Variants in PCDHAC1 observed in about 807,000 individuals in gnomAD.
The protein encoded by PCDHAC1 is protocadherin alpha-C1.
A neutral mutation model predicts 60.0 loss-of-function variants in PCDHAC1; 42 were observed. The ratio of observed to expected loss-of-function variants is 0.70; its 90% confidence interval spans 0.55 to 0.90. The LOEUF is 0.90. PCDHAC1 is among the 40% of genes least tolerant of loss of function. The pLI, the probability that PCDHAC1 is intolerant of heterozygous loss-of-function variation, is 0.00. For synonymous variants in PCDHAC1, 468 were observed against 499.3 expected (o/e 0.94, Z 0.84); for missense variants, 1,160 against 1,222.3 (o/e 0.95, Z 0.76).
chr5:140,941,218 T>TCTTTCTTC, intron 1 of PCDHAC1, among the ~76,000 whole-genome samples: 1 of 125,730 alleles, frequency 8.0e-6, no homozygotes, highest in African/African-American at 3.3e-5. Context: ...TTTCTTCCTT[T>TCTTTCTTC]CTTTCTTTCT....
chr5:140,983,221 A>G (rs1178098444), intron 3 of PCDHAC1, among the ~76,000 whole-genome samples: 1 of 152,196 alleles, frequency 6.6e-6, no homozygotes, highest in Non-Finnish European at 1.5e-5. Context: ...TCCTAATCCA[A>G]ACTTTCAGGA....
intron 1 of PCDHAC1, among the ~76,000 whole-genome samples, chr5:140,950,849 T>G (rs1403920591): frequency 6.6e-6 from 1 of 152,120 alleles, no homozygotes; most frequent in Non-Finnish European, 1.5e-5. Flanking sequence ...ATACATTTCT[T>G]TCATATTCTT....
chr5:140,967,287 A>G (rs1458692984), intron 1 of PCDHAC1: 1 of 1,612,826 alleles, frequency 6.2e-7, no homozygotes, highest in Non-Finnish European at 8.5e-7. Flanking sequence ...AGTGCGCAGG[A>G]CCCCGACGTG....
At chr5:140,968,455 G>C in intron 1 of PCDHAC1, 2 of 1,614,084 alleles carry the variant, frequency 1.2e-6, no homozygotes, top group Non-Finnish European at 1.7e-6. Context: ...GCAGCACTGT[G>C]ACTGCCAACG....
intron 3 of PCDHAC1, among the ~76,000 whole-genome samples, chr5:140,992,490 G>A (rs2097515419): frequency 6.6e-6 from 1 of 152,196 alleles, no homozygotes; most frequent in Non-Finnish European, 1.5e-5. Flanking sequence ...AGGCCAATCT[G>A]TAAGGATTCA....
intron 1 of PCDHAC1, among the ~76,000 whole-genome samples, chr5:140,943,885 T>C (rs762067236): frequency 6.6e-5 from 10 of 152,242 alleles, no homozygotes; most frequent in Non-Finnish European, 1.2e-4. Flanking sequence ...TTCATTGGAC[T>C]GGTCATTATG....
At chr5:140,975,594 A>G (rs914837592) in intron 1 of PCDHAC1, among the ~76,000 whole-genome samples, 3 of 152,236 alleles carry the variant, frequency 2.0e-5, no homozygotes, top group Admixed American at 2.0e-4. Flanking sequence ...CCAGAGGGCA[A>G]TTTGTTGATG....
chr5:140,940,195 T>C (rs2092570084), intron 1 of PCDHAC1, among the ~76,000 whole-genome samples: 1 of 152,220 alleles, frequency 6.6e-6, no homozygotes, highest in African/African-American at 2.4e-5. Flanking sequence ...TTTACATGGG[T>C]GTAAAATTCA....
In PCDHAC1 at chr5:141,011,807, A is replaced by G. The variant is rs940017317; in HGVS notation, c.*1870A>G. ...CTAATGGTATCTGAAATATCAGCTC[A>G]TAGAAAGTAACAAAATTTGCTGTCA... On this transcript the variant is annotated 3_prime_UTR_variant, in exon 4 of 4. Coordinates refer to ENST00000253807, the MANE Select transcript of PCDHAC1 (RefSeq NM_018898.5). The G allele has an allele frequency of 1.3e-5, 2 of 153,798 alleles. No individual in the cohort carries two copies. Among genetic ancestry groups the G allele is most frequent in the African/African-American group, 4.8e-5 (2 of 41,468 alleles). The allele number at this position is 153,798 out of a possible 1,614,324, so 9.5% of individuals were successfully genotyped here.
intron 1 of PCDHAC1, among the ~76,000 whole-genome samples, chr5:140,947,763 A>C (rs1392881813): frequency 1.3e-5 from 2 of 151,658 alleles, no homozygotes; most frequent in Non-Finnish European, 3.0e-5. Context: ...TGGTTTAAAA[A>C]ATTCTATTGT....
chr5:140,948,189 G>A (rs1032631604), intron 1 of PCDHAC1, among the ~76,000 whole-genome samples: 4 of 151,532 alleles, frequency 2.6e-5, no homozygotes, highest in African/African-American at 9.7e-5. Context: ...ATCCCACTTA[G>A]TCATGATATA....
chr5:141,009,298 T>C (rs1196659486), intron 3 of PCDHAC1, among the ~76,000 whole-genome samples: 1 of 152,130 alleles, frequency 6.6e-6, no homozygotes, highest in Non-Finnish European at 1.5e-5. Context: ...CTATAAAATT[T>C]TTTTTAAAAA....
At chr5:140,966,654 T>C in intron 1 of PCDHAC1, 1 of 1,185,100 alleles carries the variant, frequency 8.4e-7, no homozygotes, top group Non-Finnish European at 1.1e-6. Flanking sequence ...GCGTGAGCGG[T>C]GGGGGAGCAG....
chr5:140,942,540 G>T (rs1013086382), intron 1 of PCDHAC1, among the ~76,000 whole-genome samples: 52 of 152,164 alleles, frequency 3.4e-4, no homozygotes, highest in African/African-American at 1.1e-3. Flanking sequence ...TCAGTATGGT[G>T]GGGGGTAGGG....
At chr5:140,979,129 A>T (rs1316213932) in intron 2 of PCDHAC1, 122 bp downstream of exon 2, 1 of 1,477,514 alleles carries the variant, frequency 6.8e-7, no homozygotes, top group Non-Finnish European at 9.0e-7. Flanking sequence ...CTTTGCCAGG[A>T]AAATGCAATT....
chr5:140,934,612 T>G (rs2089946859), intron 1 of PCDHAC1, among the ~76,000 whole-genome samples: 1 of 152,184 alleles, frequency 6.6e-6, no homozygotes, highest in South Asian at 2.1e-4. Flanking sequence ...TTGATTAGCC[T>G]GAGGTACAGT....
At chr5:140,937,748 T>C (rs192465220) in intron 1 of PCDHAC1, among the ~76,000 whole-genome samples, 1 of 151,812 alleles carries the variant, frequency 6.6e-6, no homozygotes, top group Admixed American at 6.6e-5. Context: ...CCGTCTCTAC[T>C]AAAAATACAA....
chr5:140,940,029 C>T (rs1411990785), intron 1 of PCDHAC1, among the ~76,000 whole-genome samples: 4 of 152,136 alleles, frequency 2.6e-5, no homozygotes, highest in East Asian at 1.9e-4. Flanking sequence ...TGTTTTAAGG[C>T]TATTTTATTT....
intron 3 of PCDHAC1, among the ~76,000 whole-genome samples, chr5:140,996,915 A>G (rs1167259941): frequency 6.6e-6 from 1 of 152,244 alleles, no homozygotes; most frequent in Non-Finnish European, 1.5e-5. Flanking sequence ...TGAAGTAAAT[A>G]TTAAAAAATA....
Sources: allele counts gnomAD v4.1 joint callset (sites outside exome capture counted in the v4.1 genomes callset), GRCh38; gene constraint gnomAD v4.1.1; transcripts MANE v1.5; gene names NCBI Gene and HGNC (gene_info 2026-07-23, HGNC 2026-07-21).